Variants in FILIP1 observed in about 807,000 individuals in gnomAD.
FILIP1 encodes filamin A interacting protein 1.
In FILIP1, 61 loss-of-function variants were observed where a neutral mutation model predicts 102.1. The ratio of observed to expected loss-of-function variants is 0.60; its 90% CI spans 0.49 to 0.74. FILIP1 has a LOEUF of 0.74. Among genes scored for constraint, FILIP1 ranks in the 30% least tolerant of loss-of-function variants. FILIP1 has a pLI of 0.00. For synonymous variants in FILIP1, 491 were observed against 526.9 expected, an observed-to-expected ratio of 0.93 and a Z score of 0.93; for missense variants, 1,314 against 1,441.2, an observed-to-expected ratio of 0.91 and a Z score of 1.43.
rs533985234 is a variant in FILIP1, at chr6:75,472,409, C to A, written c.-7+21005G>T. ...TTTAATAGAACAGTCTTCCTCAAGTCTTATTAATATTCATTGGGAGAACAA... is the reference window on the plus strand; with the variant it reads ...TTTAATAGAACAGTCTTCCTCAAGTATTATTAATATTCATTGGGAGAACAA... On this transcript the variant is annotated intron_variant, in intron 1 of 5. Transcript: ENST00000237172. Among the ~76,000 whole-genome samples the A allele has an allele frequency of 3.3e-5, 5 of 152,154 alleles. No individual in the cohort carries two copies. In the South Asian group the frequency reaches 1.0e-3, roughly 32 times the overall value.
chr6:75,401,985 C>T (rs1776675126), intron 2 of FILIP1, among the ~76,000 whole-genome samples: 1 of 152,156 alleles, frequency 6.6e-6, no homozygotes, highest in Non-Finnish European at 1.5e-5. Flanking sequence ...ATGTAGGCTG[C>T]AGCCATTTAG....
intron 1 of FILIP1, among the ~76,000 whole-genome samples, chr6:75,481,393 T>A (rs1779646933): frequency 6.6e-6 from 1 of 152,186 alleles, no homozygotes. Context: ...TTTAGCATCA[T>A]CTTAGTTGTT....
chr6:75,413,282 CG>C (rs1482044962), intron 2 of FILIP1, among the ~76,000 whole-genome samples: 1 of 152,100 alleles, frequency 6.6e-6, no homozygotes, highest in Non-Finnish European at 1.5e-5. Context: ...CAATAGCTTT[CG>C]GCTGGGGGCA....
rs145994084 is a variant in FILIP1 at position 75,382,603 on chromosome 6, G to A, written c.277-19686C>T. Among the ~76,000 whole-genome samples the A allele has an allele frequency of 3.0e-3, 454 of 152,132 alleles. 1 individual carries two copies. Among genetic ancestry groups the A allele is most frequent in the African/African-American group, 0.01 (435 of 41,514 alleles). ...GGGTACCATATCTCTTTTTTTCTCA[G>A]GCACTGATAATGGTATTTTTGTTCA... is the stretch of plus-strand genomic sequence containing the variant. On this transcript the variant is annotated intron_variant, in intron 2 of 5. Coordinates refer to ENST00000237172, the MANE Select transcript of FILIP1 (RefSeq NM_015687.5).
chr6:75,332,459 G>A (rs1344143854), intron 4 of FILIP1, among the ~76,000 whole-genome samples: 2 of 152,166 alleles, frequency 1.3e-5, no homozygotes, highest in Non-Finnish European at 2.9e-5. Flanking sequence ...TTAAATGTGT[G>A]ACCTTGGGCT....
intron 1 of FILIP1, among the ~76,000 whole-genome samples, chr6:75,432,919 C>G (rs921349246): frequency 2.0e-5 from 3 of 151,982 alleles, no homozygotes; most frequent in Admixed American, 1.3e-4. Context: ...TGAGTGAGAA[C>G]ATGTGGTGTT....
At chr6:75,339,103 G>A (rs1774337567) in intron 4 of FILIP1, among the ~76,000 whole-genome samples, 1 of 152,210 alleles carries the variant, frequency 6.6e-6, no homozygotes, top group Non-Finnish European at 1.5e-5. Context: ...AGGTCAGAAA[G>A]CATTTCCAAA....
chr6:75,436,058 A>C (rs1326067313), intron 1 of FILIP1, among the ~76,000 whole-genome samples: 5 of 152,116 alleles, frequency 3.3e-5, no homozygotes, highest in Non-Finnish European at 7.4e-5. Context: ...AGGATCACAG[A>C]AGTCATAAGA....
intron 1 of FILIP1, among the ~76,000 whole-genome samples, chr6:75,425,295 A>C (rs901634686): frequency 6.6e-6 from 1 of 152,216 alleles, no homozygotes; most frequent in Non-Finnish European, 1.5e-5. Flanking sequence ...AAGGCTGACA[A>C]GAGCCATAAA....
At chr6:75,479,369 G>A (rs113299432) in intron 1 of FILIP1, among the ~76,000 whole-genome samples, 63 of 152,206 alleles carry the variant, frequency 4.1e-4, no homozygotes, top group African/African-American at 1.5e-3. Context: ...TTTCCCACCA[G>A]CAACATATAG....
At chr6:75,483,186 C>T (rs931758122) in intron 1 of FILIP1, among the ~76,000 whole-genome samples, 11 of 152,274 alleles carry the variant, frequency 7.2e-5, no homozygotes, top group African/African-American at 2.6e-4. Context: ...AAATTAATTC[C>T]GTACATGCTA....
At chr6:75,297,266 A>G (rs1772707283) in intron 6 of FILIP1, among the ~76,000 whole-genome samples, 1 of 152,204 alleles carries the variant, frequency 6.6e-6, no homozygotes, top group Non-Finnish European at 1.5e-5. Flanking sequence ...AACATTAATT[A>G]AATCGTATTA....
chr6:75,386,758 G>C (rs1357481452), intron 2 of FILIP1, among the ~76,000 whole-genome samples: 1 of 152,048 alleles, frequency 6.6e-6, no homozygotes, highest in Non-Finnish European at 1.5e-5. Context: ...GGAGGCACTT[G>C]GTACTTTTAG....
intron 1 of FILIP1, among the ~76,000 whole-genome samples, chr6:75,479,394 T>C (rs1268559908): frequency 1.3e-5 from 2 of 152,224 alleles, no homozygotes; most frequent in African/African-American, 4.8e-5. Flanking sequence ...AACTTCCTCA[T>C]ACCCTCACCA....
chr6:75,376,626 G>C (rs1406846681), intron 2 of FILIP1, among the ~76,000 whole-genome samples: 1 of 152,086 alleles, frequency 6.6e-6, no homozygotes, highest in East Asian at 1.9e-4. Context: ...TTTCTGATAA[G>C]AGCGAATTGC....
intron 1 of FILIP1, among the ~76,000 whole-genome samples, chr6:75,457,794 C>A (rs1778894125): frequency 6.6e-6 from 1 of 152,134 alleles, no homozygotes. Context: ...TCTATGAATG[C>A]AAAATTAATC....
At chr6:75,486,416 G>C (rs1215304842) in intron 1 of FILIP1, among the ~76,000 whole-genome samples, 1 of 152,008 alleles carries the variant, frequency 6.6e-6, no homozygotes, top group Non-Finnish European at 1.5e-5. Flanking sequence ...TTGGGATCCT[G>C]GAAAAGAGCC....
intron 4 of FILIP1, among the ~76,000 whole-genome samples, chr6:75,320,512 G>A (rs1314634122): frequency 6.6e-6 from 1 of 152,144 alleles, no homozygotes; most frequent in Admixed American, 6.5e-5. Context: ...GGGAGGCAGA[G>A]GTTGCAGTGA....
At chr6:75,413,221 A>C (rs1321658317) in intron 2 of FILIP1, among the ~76,000 whole-genome samples, 1 of 152,164 alleles carries the variant, frequency 6.6e-6, no homozygotes, top group Non-Finnish European at 1.5e-5. Flanking sequence ...TGAGCTAATG[A>C]TGTAGTTTTG....
Sources: allele counts gnomAD v4.1 joint callset (sites outside exome capture counted in the v4.1 genomes callset), GRCh38; gene constraint gnomAD v4.1.1; transcripts MANE v1.5; gene names NCBI Gene and HGNC (gene_info 2026-07-23, HGNC 2026-07-21).